Variants in GRID2 observed in about 807,000 individuals in gnomAD.
GRID2 encodes the protein glutamate receptor ionotropic, delta-2.
A neutral mutation model predicts 114.8 loss-of-function variants in GRID2; 33 were observed. That is an observed-to-expected ratio of 0.29 (90% confidence interval 0.22 to 0.38). The LOEUF (loss-of-function observed/expected upper bound fraction) is 0.38, where lower values mean the gene tolerates loss of function less well. Ranked by LOEUF, GRID2 falls within the 10% of genes least tolerant of loss-of-function variation. GRID2 has a pLI of 1.00. For synonymous variants in GRID2, 505 were observed against 449.9 expected (o/e 1.12, Z -1.55); for missense variants, 1,184 against 1,257.7 (o/e 0.94, Z 0.89).
At chr4:93,741,191 A>ATATC (rs1731373549) in intron 14 of GRID2, among the ~76,000 whole-genome samples, 1 of 31,780 alleles carries the variant, frequency 3.1e-5, no homozygotes, top group Non-Finnish European at 6.1e-5. Context: ...ATATATATAT[A>ATATC]TATATATATG....
chr4:93,727,494 G>A (rs1009676586), intron 14 of GRID2, among the ~76,000 whole-genome samples: 4 of 152,168 alleles, frequency 2.6e-5, no homozygotes, highest in African/African-American at 7.2e-5. Flanking sequence ...GATGATGCTG[G>A]CCTCATAAAA....
chr4:93,206,591 T>TACACACAC (rs5860312), intron 4 of GRID2, among the ~76,000 whole-genome samples: 3,163 of 142,984 alleles, frequency 0.022, 72 homozygotes, highest in Middle Eastern at 0.052. Context: ...CTGCCCCTAC[T>TACACACAC]ACACACACAC....
At chr4:93,202,104 T>C (rs1326589262) in intron 4 of GRID2, among the ~76,000 whole-genome samples, 3 of 152,178 alleles carry the variant, frequency 2.0e-5, no homozygotes, top group Non-Finnish European at 4.4e-5. Flanking sequence ...AATTATAGGA[T>C]AAGAGGAAGA....
chr4:93,311,188 G>T (rs2149187745), intron 8 of GRID2, among the ~76,000 whole-genome samples: 1 of 152,236 alleles, frequency 6.6e-6, no homozygotes, highest in Middle Eastern at 3.4e-3. Flanking sequence ...GTTTATTGAA[G>T]TGCTAGCAGC....
intron 8 of GRID2, among the ~76,000 whole-genome samples, chr4:93,344,283 A>G (rs992760775): frequency 1.4e-4 from 22 of 152,056 alleles, no homozygotes; most frequent in African/African-American, 5.3e-4. Context: ...ATTCCATAAA[A>G]ATAAGACTTT....
intron 11 of GRID2, among the ~76,000 whole-genome samples, chr4:93,486,381 A>C (rs1726407695): frequency 6.6e-6 from 1 of 151,650 alleles, no homozygotes; most frequent in Non-Finnish European, 1.5e-5. Flanking sequence ...GCACAACTCC[A>C]ATTCAATGCT....
chr4:92,488,273 A>G (rs535421759), intron 1 of GRID2, among the ~76,000 whole-genome samples: 12 of 152,308 alleles, frequency 7.9e-5, no homozygotes, highest in African/African-American at 2.9e-4. Flanking sequence ...AAGCTGAATA[A>G]TCTACAAAAT....
At chr4:92,867,125 A>G (rs1430052266) in intron 2 of GRID2, among the ~76,000 whole-genome samples, 3 of 152,214 alleles carry the variant, frequency 2.0e-5, no homozygotes, top group African/African-American at 7.2e-5. Flanking sequence ...TAGTAAATAC[A>G]TCATGTAAAT....
chr4:93,067,508 T>A (rs1357936385), intron 2 of GRID2, among the ~76,000 whole-genome samples: 1 of 152,002 alleles, frequency 6.6e-6, no homozygotes, highest in Non-Finnish European at 1.5e-5. Flanking sequence ...TTCATCAGGT[T>A]ATAAGGCTCT....
At chr4:93,550,938 C>A (rs1021997361) in intron 13 of GRID2, among the ~76,000 whole-genome samples, 1 of 152,040 alleles carries the variant, frequency 6.6e-6, no homozygotes, top group Admixed American at 6.6e-5. Context: ...TATAGAATAA[C>A]GGTTAAGGAT....
chr4:92,516,190 G>A (rs1724492197), intron 1 of GRID2, among the ~76,000 whole-genome samples: 1 of 151,886 alleles, frequency 6.6e-6, no homozygotes, highest in Non-Finnish European at 1.5e-5. Context: ...GGAAAGACTG[G>A]CTAGTACATT....
In GRID2 at chr4:93,128,037, AAAAAAAAAAAAAAAAAAAAAAAC is replaced by A. The variant is rs1334917930; in HGVS notation, c.735+17087_735+17109del. On this transcript the variant is annotated intron_variant, in intron 4 of 15. Coordinates refer to ENST00000282020, the MANE Select transcript of GRID2 (RefSeq NM_001510.4). Reference sequence around the variant, plus strand: ...CCTTGTCCCCCGCAACAAAAAAAAAAAAAAAAAAAAAAAAAAAAAAAACAACAGTACGTGCTATATTGGTTTTA... The same window carrying A: ...CCTTGTCCCCCGCAACAAAAAAAAAAAACAGTACGTGCTATATTGGTTTTA... Among the ~76,000 whole-genome samples, 3 of 140,000 alleles carry A rather than the reference AAAAAAAAAAAAAAAAAAAAAAAC, an allele frequency of 2.1e-5. No homozygotes were observed. The Admixed American group carries it at 2.2e-4, about 10-fold the overall frequency. 91.8% of individuals were successfully genotyped at this position (140,000 alleles called of 152,430 possible).
chr4:93,806,374 T>C (rs1369004708), intron 1 of GRID2, among the ~76,000 whole-genome samples: 2 of 152,212 alleles, frequency 1.3e-5, no homozygotes, highest in East Asian at 3.9e-4. Flanking sequence ...GTGAGAGCGA[T>C]ACTGCCTTTA....
chr4:93,629,494 A>AT (rs1019773288), intron 14 of GRID2, among the ~76,000 whole-genome samples: 9 of 152,016 alleles, frequency 5.9e-5, no homozygotes, highest in Non-Finnish European at 8.8e-5. Context: ...CATTTGTTCC[A>AT]TTTTTTTATA....
chr4:92,871,134 AC>A (rs1456347603), intron 2 of GRID2, among the ~76,000 whole-genome samples: 1 of 152,188 alleles, frequency 6.6e-6, no homozygotes, highest in East Asian at 1.9e-4. Context: ...ATAGATAGAA[AC>A]AAAAAGTCTT....
At chr4:93,741,176 T>TATATATATAC (rs1731353846) in intron 14 of GRID2, among the ~76,000 whole-genome samples, 1 of 23,420 alleles carries the variant, frequency 4.3e-5, no homozygotes, top group South Asian at 1.7e-3. Flanking sequence ...TATATATACA[T>TATATATATAC]ATATATATAT....
chr4:93,495,744 C>T (rs185150322), intron 12 of GRID2, among the ~76,000 whole-genome samples: 1 of 151,614 alleles, frequency 6.6e-6, no homozygotes, highest in Non-Finnish European at 1.5e-5. Context: ...TTTTCAAGGG[C>T]TACTTAATTT....
At chr4:93,709,501 G>A (rs917620255) in intron 14 of GRID2, among the ~76,000 whole-genome samples, 1 of 152,122 alleles carries the variant, frequency 6.6e-6, no homozygotes, top group Admixed American at 6.6e-5. Context: ...GCGGCTTTTA[G>A]AATCCTTTCT....
At chr4:93,781,398 C>T (rs904455085) in intron 1 of GRID2, among the ~76,000 whole-genome samples, 1 of 149,710 alleles carries the variant, frequency 6.7e-6, no homozygotes, top group African/African-American at 2.5e-5. Context: ...TGAGGGGCTG[C>T]GGTGAGGCCT....
Sources: allele counts gnomAD v4.1 joint callset (sites outside exome capture counted in the v4.1 genomes callset), GRCh38; gene constraint gnomAD v4.1.1; transcripts MANE v1.5; gene names NCBI Gene and HGNC (gene_info 2026-07-23, HGNC 2026-07-21).